Variants in C9orf78 observed in about 807,000 individuals in gnomAD.
C9orf78 encodes splicing factor C9orf78.
Under a neutral mutation model 37.4 loss-of-function variants are expected in C9orf78, and 19 were observed. That is an observed-to-expected ratio of 0.51 (90% CI 0.35 to 0.74). The LOEUF (loss-of-function observed/expected upper bound fraction) is 0.74. Among genes scored for constraint, C9orf78 ranks in the 30% least tolerant of loss-of-function variants. The probability of loss-of-function intolerance (pLI) is 0.01; values close to 1 mark genes in which losing one functional copy is unlikely to be tolerated. For missense variants in C9orf78, 291 were observed against 370.8 expected, an observed-to-expected ratio of 0.78 and a Z score of 1.77; for synonymous variants, 130 against 128.0, an observed-to-expected ratio of 1.02 and a Z score of -0.10.
chr9:129,833,829 G>T, intron 2 of C9orf78, 120 bp from the exon 3 acceptor site: 2 of 680,488 alleles, frequency 2.9e-6, no homozygotes, highest in Non-Finnish European at 5.1e-6. Flanking sequence ...GATTTGAGGG[G>T]TGGGTAGGCA....
intron 5 of C9orf78, 65 bp downstream of exon 5, chr9:129,831,831 A>G (rs560901466): frequency 3.7e-6 from 3 of 815,968 alleles, no homozygotes; most frequent in Admixed American, 1.7e-5. Context: ...TCTGTTGACT[A>G]AATATCTTGG....
chr9:129,833,309 A>G, intron 4 of C9orf78, 138 bp downstream of exon 4: 3 of 645,254 alleles, frequency 4.6e-6, no homozygotes, highest in South Asian at 3.8e-5. Flanking sequence ...TTTTTAAATA[A>G]CACACCCTTT....
At chr9:129,831,714 G>A (rs1490863198) in intron 5 of C9orf78, 182 bp downstream of exon 5, 15 of 570,760 alleles carry the variant, frequency 2.6e-5, no homozygotes, top group African/African-American at 5.6e-5. Context: ...GAGAGCTACC[G>A]TGCCCGGCCT....
intron 8 of C9orf78, 166 bp from the exon 9 acceptor site, chr9:129,828,418 T>C (rs577621538): frequency 0.014 from 7,126 of 509,242 alleles, 106 homozygotes; most frequent in East Asian, 0.023. Context: ...TGTCTTTTTT[T>C]TTTTCTTTTC....
At position 129,829,497 on chromosome 9, in the gene C9orf78, C is replaced by A. The variant is rs760830440; in HGVS notation, c.587G>T (p.Arg196Leu). 1.2e-5 allele frequency: 19 copies of A among 1,613,270 alleles called. No individual in the cohort carries two copies. Among genetic ancestry groups the A allele is most frequent in the Non-Finnish European group, 1.5e-5 (18 of 1,179,376 alleles). The change falls in exon 7 of 9, where the codon CGT (arginine) becomes CTT (leucine). Residue 196 changes from arginine to leucine, a missense_variant. This residue lies in a region of C9orf78 where 120 missense variants were observed against 148.7 expected (regional missense o/e 0.81). Coordinates refer to ENST00000372447, the MANE Select transcript of C9orf78 (RefSeq NM_016520.3). ...CTTGTTCTGCTGCTCTGCCAGCAGA[C>A]GGGCCTTGGCATCCTCCGTGGAAAT... ...NIISTEDAKARLLAEQQNKKK... is the reference protein window; with the variant it reads ...NIISTEDAKALLLAEQQNKKK...
intron 5 of C9orf78, 69 bp downstream of exon 5, chr9:129,831,827 G>T: frequency 1.2e-6 from 1 of 804,704 alleles, no homozygotes; most frequent in South Asian, 1.3e-5. Context: ...GTCATCTGTT[G>T]ACTAAATATC....
chr9:129,833,310 C>A (rs1188977657), intron 4 of C9orf78, 137 bp downstream of exon 4: 2 of 644,826 alleles, frequency 3.1e-6, no homozygotes, highest in African/African-American at 1.8e-5. Context: ...TTTTAAATAA[C>A]ACACCCTTTG....
rs752629760 is a variant in C9orf78 at position 129,831,120 on chromosome 9, G to A, written c.345-52C>T. The A allele has an allele frequency of 5.2e-6, 6 of 1,153,100 alleles. No individual in the cohort carries two copies. The South Asian group carries it at 6.1e-5, about 12-fold the overall frequency. 71.4% of individuals were successfully genotyped at this position (1,153,100 alleles called of 1,614,324 possible). On this transcript the variant is annotated intron_variant, in intron 5 of 8. Coordinates refer to ENST00000372447, the MANE Select transcript of C9orf78 (RefSeq NM_016520.3). ...GGGAGGGGTGGGAAACACACACCAG[G>A]TGTCCTCTAAATCAGTGGTCCCCAA...
rs750004008 is a variant in C9orf78, at chr9:129,829,563, A to G, written c.543-22T>C. The G allele has an allele frequency of 2.5e-6, 4 of 1,608,536 alleles. No homozygotes were observed. The East Asian group carries it at 8.9e-5, about 36-fold the overall frequency. On this transcript the variant is annotated intron_variant, in intron 6 of 8. Transcript: ENST00000372447. ...AGCACTATGGAGAGAAAGAAACCAC[A>G]CCACTTAGAAGATGATAGCACCTTA...
rs186926730 is a variant in C9orf78 at position 129,833,398 on chromosome 9, C to T, written c.266+49G>A. ...CCAGCTCTCTGAGGGAACCTAGACC[C>T]AGGCAGCCGCTAAAGGTGAATTTGC... On this transcript the variant is annotated intron_variant, in intron 4 of 8. Transcript: ENST00000372447. 635 of 1,102,100 alleles carry T rather than the reference C, an allele frequency of 5.8e-4. 2 individuals carry two copies. Among genetic ancestry groups the T allele is most frequent in the Non-Finnish European group, 6.5e-4 (467 of 714,948 alleles). 68.3% of individuals were successfully genotyped at this position (1,102,100 alleles called of 1,614,324 possible). A position where few individuals can be genotyped will look rare whatever the true frequency, so the allele number is the denominator to read the frequency against.
Position 129,829,463 on chromosome 9 carries a change from GTCTT to G in C9orf78, c.617_620del (p.Lys206ThrfsTer13). The G allele has an allele frequency of 1.2e-6, 2 of 1,614,016 alleles. No homozygotes were observed. The highest frequency in any genetic ancestry group is 1.7e-6 in the Non-Finnish European group (2 of 1,179,980). On this transcript the variant is annotated frameshift_variant, in exon 7 of 9. Coordinates refer to ENST00000372447, the MANE Select transcript of C9orf78 (RefSeq NM_016520.3). LOFTEE classifies it high-confidence loss of function. ...TGGTAGGCACGAAGGAGGTCTCGCT[GTCTT>G]TCTTCTTGTTCTGCTGCTCTGCCAG...
rs781737180 is a variant in C9orf78 at position 129,835,255 on chromosome 9, C to G, written c.-34G>C. ...CGGCCGAGTTGTACAGCCGCCGCGC[C>G]TCTGCGCAGCGGCCCAGGCTGCTTC... On this transcript the variant is annotated 5_prime_UTR_variant, in exon 1 of 9. Transcript: ENST00000372447. 7.3e-6 allele frequency: 11 copies of G among 1,505,756 alleles called. No homozygotes were observed. In the Admixed American group the frequency reaches 1.2e-4, roughly 17 times the overall value. 93.3% of individuals were successfully genotyped at this position (1,505,756 alleles called of 1,614,324 possible).
chr9:129,830,757 G>A (rs908841999), intron 6 of C9orf78, 114 bp downstream of exon 6: 15 of 738,790 alleles, frequency 2.0e-5, no homozygotes, highest in South Asian at 3.1e-5. Context: ...TGATCCACCC[G>A]CCTCAGCCTC....
intron 5 of C9orf78, 197 bp from the exon 6 acceptor site, chr9:129,831,265 T>C: frequency 1.7e-6 from 1 of 594,514 alleles, no homozygotes; most frequent in Non-Finnish European, 3.0e-6. Context: ...GTCCCACTAA[T>C]CTATTGGTGT....
chr9:129,829,545 T>C lies in C9orf78; in HGVS notation c.543-4A>G, dbSNP rs761395779. ...AATGATATTTTTTATTTTAGCACTA[T>C]GGAGAGAAAGAAACCACACCACTTA... On this transcript the variant is annotated splice_region_variant and splice_polypyrimidine_tract_variant and intron_variant, in intron 6 of 8. Transcript: ENST00000372447. 2.4e-5 allele frequency: 38 copies of C among 1,612,462 alleles called. No individual in the cohort carries two copies. The highest frequency in any genetic ancestry group is 3.1e-5 in the Non-Finnish European group (36 of 1,178,990).
intron 4 of C9orf78, among the ~76,000 whole-genome samples, chr9:129,832,404 CTTTTA>C (rs1408142693): frequency 1.3e-5 from 2 of 152,108 alleles, no homozygotes; most frequent in Admixed American, 6.6e-5. Context: ...ACACAGTAAA[CTTTTA>C]TTTTTTTAAT....
At chr9:129,833,752 T>C (rs2274507) in intron 2 of C9orf78, 43 bp from the exon 3 acceptor site, 299,116 of 1,471,622 alleles carry the variant, frequency 0.2, 31,614 homozygotes, top group East Asian at 0.23. Flanking sequence ...GAGAGAGAAA[T>C]GGCATAATTC....
At chr9:129,828,787 G>GT (rs1646679513) in intron 8 of C9orf78, 1 of 315,354 alleles carries the variant, frequency 3.2e-6, no homozygotes, top group Non-Finnish European at 6.1e-6. Flanking sequence ...CTAGAGTGCA[G>GT]TGGTCCAATC....
intron 1 of C9orf78, 92 bp downstream of exon 1, chr9:129,835,047 G>GTTAA (rs761432344): frequency 2.8e-6 from 3 of 1,064,332 alleles, no homozygotes; most frequent in Non-Finnish European, 4.3e-6. Flanking sequence ...CGAGCTCACA[G>GTTAA]TTAACAATGT....
Sources: gnomAD v4.1 joint callset for allele counts (sites outside exome capture counted in the v4.1 genomes callset) on GRCh38, gnomAD v4.1.1 for gene constraint, gnomAD v4.1.1 regional missense constraint, MANE v1.5 for transcripts, NCBI Gene and HGNC (gene_info 2026-07-23, HGNC 2026-07-21) for gene names.